CACNA1C: variants seen among roughly 807,000 people sequenced by gnomAD.
The protein encoded by CACNA1C is calcium voltage-gated channel subunit alpha1 C.
A neutral mutation model predicts 229.0 loss-of-function variants in CACNA1C; 30 were observed. The ratio of observed to expected loss-of-function variants is 0.13; its 90% CI spans 0.10 to 0.18. CACNA1C has a LOEUF of 0.18. CACNA1C is among the 10% of genes least tolerant of loss of function. CACNA1C has a pLI of 1.00. For synonymous variants in CACNA1C, 1,114 were observed against 1,132.5 expected (o/e 0.98, Z 0.33); for missense variants, 1,658 against 2,845.0 (o/e 0.58, Z 9.49).
At chr12:1,989,569 C>T (rs997595537) in intron 1 of CACNA1C, among the ~76,000 whole-genome samples, 1 of 152,124 alleles carries the variant, frequency 6.6e-6, no homozygotes, top group Non-Finnish European at 1.5e-5. Context: ...CAAAAATCAG[C>T]CAGGCATGGT....
rs1002155534 is a variant in CACNA1C, at chr12:2,488,381, G to A, written c.916+2119G>A. On this transcript the variant is annotated intron_variant, in intron 6 of 46. Coordinates refer to ENST00000399655, the MANE Select transcript of CACNA1C (RefSeq NM_000719.7). The surrounding 1 kb of genome is among the most constrained non-coding windows in gnomAD (Gnocchi z 4.0). ...GAAAGCATGGCACGGGGAGGGAGCC[G>A]TCCTGAAGGCCATAGCCGTAGGGCC... Among the ~76,000 whole-genome samples the A allele has an allele frequency of 6.6e-5, 10 of 152,148 alleles. No individual in the cohort carries two copies. The highest frequency in any genetic ancestry group is 1.0e-4 in the Non-Finnish European group (7 of 68,016).
intron 3 of CACNA1C, among the ~76,000 whole-genome samples, chr12:2,349,962 G>C (rs1467462253): frequency 6.6e-6 from 1 of 150,404 alleles, no homozygotes; most frequent in African/African-American, 2.5e-5. Flanking sequence ...TGCAGAGACA[G>C]TCAGAGAAAG....
intron 1 of CACNA1C, among the ~76,000 whole-genome samples, chr12:1,974,813 T>C (rs1390152569): frequency 3.3e-5 from 5 of 152,182 alleles, no homozygotes; most frequent in African/African-American, 9.6e-5. Context: ...TGAATCTCAA[T>C]GTACATAAAT....
chr12:2,551,934 G>A (rs59967800), intron 10 of CACNA1C, among the ~76,000 whole-genome samples: 18 of 152,050 alleles, frequency 1.2e-4, no homozygotes, highest in East Asian at 9.6e-4. Flanking sequence ...ACGGAGGCCC[G>A]AAACTCAGCC....
chr12:2,396,215 T>C (rs2098569721), intron 3 of CACNA1C, among the ~76,000 whole-genome samples: 1 of 152,120 alleles, frequency 6.6e-6, no homozygotes, highest in South Asian at 2.1e-4. Flanking sequence ...TTGTGTATCT[T>C]TCAGTGACAC....
At chr12:2,167,485 G>A (rs1331799155) in intron 3 of CACNA1C, among the ~76,000 whole-genome samples, 1 of 152,216 alleles carries the variant, frequency 6.6e-6, no homozygotes, top group African/African-American at 2.4e-5. Flanking sequence ...TTTCTCTGGA[G>A]AGTGTTGACT....
intron 3 of CACNA1C, among the ~76,000 whole-genome samples, chr12:2,253,567 G>C (rs2076361923): frequency 6.6e-6 from 1 of 152,214 alleles, no homozygotes; most frequent in East Asian, 1.9e-4. Context: ...CGTGGCTTCT[G>C]TTTTCTAAGA....
At chr12:2,290,004 A>G (rs1224220107) in intron 3 of CACNA1C, among the ~76,000 whole-genome samples, 8 of 152,240 alleles carry the variant, frequency 5.3e-5, no homozygotes, top group Non-Finnish European at 7.3e-5. Flanking sequence ...CTAGTTAGTA[A>G]TAAAGCTTGG....
chr12:2,211,575 T>C (rs1203643221), intron 3 of CACNA1C, among the ~76,000 whole-genome samples: 1 of 151,906 alleles, frequency 6.6e-6, no homozygotes, highest in Non-Finnish European at 1.5e-5. Context: ...CAGACTCTCC[T>C]TCTTCTAAGA....
intron 7 of CACNA1C, among the ~76,000 whole-genome samples, chr12:2,499,072 T>C (rs548971523): frequency 6.6e-6 from 1 of 152,250 alleles, no homozygotes; most frequent in East Asian, 1.9e-4. Flanking sequence ...TTTTCAGCAC[T>C]CAATAAGCAG....
At position 2,504,338 on chromosome 12, in the gene CACNA1C, C is replaced by T. The variant is rs1285745872; in HGVS notation, c.1114-504C>T. The T allele has an allele frequency of 2.8e-6, 2 of 718,864 alleles. No homozygotes were observed. The highest frequency in any genetic ancestry group is 5.1e-6 in the Non-Finnish European group (2 of 391,836). 44.5% of individuals were successfully genotyped at this position (718,864 alleles called of 1,614,324 possible). On this transcript the variant is annotated intron_variant, in intron 7 of 46. Transcript: ENST00000399655. The surrounding 1 kb of genome is among the most constrained non-coding windows in gnomAD (Gnocchi z 6.8). ...CACATGAACAAAGCCCACGTTCAGC[C>T]CCGTCTGTCCCCTCCCAATCTGCTC...
At position 2,380,393 on chromosome 12, in the gene CACNA1C, C is replaced by T. The variant is rs114589484; in HGVS notation, c.478-68583C>T. On this transcript the variant is annotated intron_variant, in intron 3 of 46. Transcript: ENST00000399655. ...AGGTGACTAAAAAGCAGTACCTGGA[C>T]AATGGTATTAGGATTCAAATATAGC... Among the ~76,000 whole-genome samples, 427 of 152,294 alleles carry T rather than the reference C, an allele frequency of 2.8e-3. 3 individuals carry two copies. Among genetic ancestry groups the T allele is most frequent in the African/African-American group, 1.0e-2 (414 of 41,564 alleles).
intron 1 of CACNA1C, among the ~76,000 whole-genome samples, chr12:2,019,528 GAAAAGA>G (rs2046021043): frequency 1.4e-5 from 2 of 145,288 alleles, no homozygotes; most frequent in African/African-American, 2.6e-5. Flanking sequence ...AGGAAGGAAG[GAAAAGA>G]AAGGAAGGAA....
rs2099786111 is a variant in CACNA1C at position 2,512,276 on chromosome 12, A to G, written c.1218-536A>G. Reference sequence around the variant, plus strand: ...CTACCAGCGAGACATCCCTGAAGCCAGAGTTGGGAAGAGACATGAATGATT... The same window carrying G: ...CTACCAGCGAGACATCCCTGAAGCCGGAGTTGGGAAGAGACATGAATGATT... On this transcript the variant is annotated intron_variant, in intron 8 of 46. Coordinates refer to ENST00000399655, the MANE Select transcript of CACNA1C (RefSeq NM_000719.7). The surrounding 1 kb of genome is among the most constrained non-coding windows in gnomAD (Gnocchi z 4.3). Among the ~76,000 whole-genome samples, 1 of 152,068 alleles carries G rather than the reference A, an allele frequency of 6.6e-6. No individual in the cohort carries two copies. Among genetic ancestry groups the G allele is most frequent in the South Asian group, 2.1e-4 (1 of 4,796 alleles).
At chr12:2,091,215 C>G (rs2070742024) in intron 1 of CACNA1C, among the ~76,000 whole-genome samples, 1 of 152,158 alleles carries the variant, frequency 6.6e-6, no homozygotes, top group African/African-American at 2.4e-5. Context: ...GTTACTTGTC[C>G]CCATTGGCCA....
At chr12:2,634,486 T>A in intron 30 of CACNA1C, 106 bp downstream of exon 30, 1 of 441,166 alleles carries the variant, frequency 2.3e-6, no homozygotes, top group South Asian at 7.8e-5. Context: ...ACCTTCTTAT[T>A]TTTTTTTTTT....
intron 1 of CACNA1C, among the ~76,000 whole-genome samples, chr12:2,083,894 C>T (rs904023077): frequency 6.6e-5 from 10 of 152,084 alleles, no homozygotes; most frequent in African/African-American, 2.2e-4. Flanking sequence ...CTACTAAACA[C>T]GAGGCACTGG....
chr12:2,111,888 G>A (rs528571535), intron 1 of CACNA1C, among the ~76,000 whole-genome samples: 19 of 152,282 alleles, frequency 1.2e-4, no homozygotes, highest in African/African-American at 4.1e-4. Flanking sequence ...AGGTTACTGC[G>A]GGGGCAGGTG....
At chr12:2,623,741 G>A (rs1316256425) in intron 29 of CACNA1C, among the ~76,000 whole-genome samples, 2 of 152,182 alleles carry the variant, frequency 1.3e-5, no homozygotes, top group African/African-American at 2.4e-5. Flanking sequence ...GAAGGCCAAC[G>A]GAAGACAAGA....
Sources: gnomAD v4.1 joint callset for allele counts (sites outside exome capture counted in the v4.1 genomes callset) on GRCh38, gnomAD v4.1.1 for gene constraint, Gnocchi (gnomAD v3.1) non-coding constraint, MANE v1.5 for transcripts, NCBI Gene and HGNC (gene_info 2026-07-23, HGNC 2026-07-21) for gene names.